Variants in SLC25A15 observed in about 807,000 individuals in gnomAD.
SLC25A15 encodes the protein mitochondrial ornithine transporter 1.
A neutral mutation model predicts 32.3 loss-of-function variants in SLC25A15; 24 were observed. That is an observed-to-expected ratio of 0.74 (90% CI 0.54 to 1.04). The LOEUF is 1.04. SLC25A15 is among the 50% of genes least tolerant of loss of function. The pLI is 0.00. For synonymous variants in SLC25A15, 132 were observed against 142.1 expected, an observed-to-expected ratio of 0.93 and a Z score of 0.51; for missense variants, 317 against 374.5, an observed-to-expected ratio of 0.85 and a Z score of 1.27.
intron 1 of SLC25A15, among the ~76,000 whole-genome samples, chr13:40,791,857 C>G (rs1332718450): frequency 6.6e-6 from 1 of 152,118 alleles, no homozygotes; most frequent in Non-Finnish European, 1.5e-5. Context: ...ATTGAAGTCT[C>G]GTCGTTGGCA....
chr13:40,803,009 A>G (rs1354436936), intron 3 of SLC25A15, among the ~76,000 whole-genome samples: 1 of 152,202 alleles, frequency 6.6e-6, no homozygotes, highest in Non-Finnish European at 1.5e-5. Context: ...CTGTCCAGTG[A>G]GAGCATGATG....
intron 2 of SLC25A15, 158 bp from the exon 3 acceptor site, chr13:40,798,899 C>T (rs1881764764): frequency 3.0e-6 from 3 of 985,302 alleles, no homozygotes; most frequent in Admixed American, 6.1e-5. Context: ...AGGACCTGCT[C>T]TAAATTGTTT....
At chr13:40,805,311 A>AT in intron 4 of SLC25A15, 56 bp downstream of exon 4, 1 of 1,603,524 alleles carries the variant, frequency 6.2e-7, no homozygotes. Flanking sequence ...GTATTGGATG[A>AT]TTTTTCATTT....
At position 40,809,597 on chromosome 13, in the gene SLC25A15, C is replaced by T. The variant is rs1288305681; in HGVS notation, c.836C>T (p.Ala279Val). ...LKPTMIRAFPANGALFLAYEY... is the reference protein window; with the variant it reads ...LKPTMIRAFPVNGALFLAYEY... ...CCTACTATGATTCGAGCATTCCCTG[C>T]CAATGGAGCACTCTTTTTGGCCTAC... Residue 279 changes from alanine (A) to valine (V), a missense_variant, in exon 7 of 7, where the codon GCC becomes GTC. Ala to Val is a moderately conservative substitution (Grantham distance 64). Coordinates refer to ENST00000338625, the MANE Select transcript of SLC25A15 (RefSeq NM_014252.4). The T allele has an allele frequency of 6.2e-7, 1 of 1,611,952 alleles. No homozygotes were observed. Among genetic ancestry groups the T allele is most frequent in the Non-Finnish European group, 8.5e-7 (1 of 1,179,774 alleles).
chr13:40,801,513 G>A (rs1881890536), intron 3 of SLC25A15, among the ~76,000 whole-genome samples: 1 of 152,118 alleles, frequency 6.6e-6, no homozygotes, highest in South Asian at 2.1e-4. Context: ...AGGTCACCCC[G>A]CTAAGGACTT....
intron 2 of SLC25A15, among the ~76,000 whole-genome samples, chr13:40,794,721 G>T (rs1199582875): frequency 6.6e-6 from 1 of 152,202 alleles, no homozygotes; most frequent in Non-Finnish European, 1.5e-5. Context: ...GATTCTCATA[G>T]TAGTTGCAGC....
intron 3 of SLC25A15, among the ~76,000 whole-genome samples, chr13:40,800,666 C>A (rs1311755608): frequency 6.6e-6 from 1 of 152,206 alleles, no homozygotes; most frequent in Non-Finnish European, 1.5e-5. Context: ...TTCTGTCTTG[C>A]ATGAGTGAAA....
intron 4 of SLC25A15, among the ~76,000 whole-genome samples, chr13:40,806,884 G>C (rs938268306): frequency 3.9e-5 from 6 of 152,138 alleles, no homozygotes; most frequent in African/African-American, 1.4e-4. Flanking sequence ...ATAAATTCTT[G>C]GTGCTTCTGC....
At chr13:40,803,661 C>T (rs758166069) in intron 3 of SLC25A15, among the ~76,000 whole-genome samples, 2 of 152,232 alleles carry the variant, frequency 1.3e-5, no homozygotes, top group Non-Finnish European at 2.9e-5. Context: ...TACCATTGAG[C>T]TTGCAGACTT....
In SLC25A15 at chr13:40,802,716, A is replaced by G. The variant is rs577893492; in HGVS notation, c.315-2402A>G. 7.9e-5 allele frequency among the ~76,000 whole-genome samples: 12 copies of G among 152,000 alleles called. No homozygotes were observed. The South Asian group carries it at 2.1e-3, about 26-fold the overall frequency. On this transcript the variant is annotated intron_variant, in intron 3 of 6. Coordinates refer to ENST00000338625, the MANE Select transcript of SLC25A15 (RefSeq NM_014252.4). ...CAGCCTCCCGAGTAGCTGGGACTAC[A>G]GGCGCCCACCACCATGCCCAGCTAA...
chr13:40,801,264 C>T (rs1412931109), intron 3 of SLC25A15, among the ~76,000 whole-genome samples: 2 of 150,662 alleles, frequency 1.3e-5, no homozygotes, highest in African/African-American at 4.9e-5. Context: ...AAGAAACCAT[C>T]CTGATTAACC....
At chr13:40,799,409 G>C (rs1881796726) in intron 3 of SLC25A15, 94 bp downstream of exon 3, 2 of 1,521,266 alleles carry the variant, frequency 1.3e-6, no homozygotes, top group Admixed American at 1.8e-5. Context: ...CCAGCACTTT[G>C]GGAGGCAAAG....
At chr13:40,798,015 T>A (rs1312769089) in intron 2 of SLC25A15, among the ~76,000 whole-genome samples, 1 of 152,136 alleles carries the variant, frequency 6.6e-6, no homozygotes, top group Non-Finnish European at 1.5e-5. Context: ...CTGGGCATGG[T>A]GGCTTATGCC....
At position 40,805,258 on chromosome 13, in the gene SLC25A15, A is replaced by G. The variant is rs1195949603; in HGVS notation, c.452+3A>G. 6.2e-7 allele frequency: 1 copy of G among 1,614,022 alleles called. No individual in the cohort carries two copies. Among genetic ancestry groups the G allele is most frequent in the African/African-American group, 1.3e-5 (1 of 74,932 alleles). On this transcript the variant is annotated splice_donor_region_variant and intron_variant, in intron 4 of 6. Coordinates refer to ENST00000338625, the MANE Select transcript of SLC25A15 (RefSeq NM_014252.4). ...GGGAAGATAGCCAAGAGCCAGAAGT[A>G]AGCACCACTTGGGCACAAACGTCAG...
chr13:40,805,966 G>C (rs1262083078), intron 4 of SLC25A15, among the ~76,000 whole-genome samples: 1 of 152,166 alleles, frequency 6.6e-6, no homozygotes, highest in African/African-American at 2.4e-5. Flanking sequence ...TTCTGACCAA[G>C]GATATTGCTG....
rs1376038988 is a variant in SLC25A15, at chr13:40,811,912, G to A, written c.*2245G>A. ...CAGAGCCAGAAGCCAGAGGGCCAGG[G>A]ATATGAGAGGCTGACAAACATCAGG... On this transcript the variant is annotated 3_prime_UTR_variant, in exon 7 of 7. Coordinates refer to ENST00000338625, the MANE Select transcript of SLC25A15 (RefSeq NM_014252.4). Among the ~76,000 whole-genome samples, 1 of 152,200 alleles carries A rather than the reference G, an allele frequency of 6.6e-6. No homozygotes were observed. The highest frequency in any genetic ancestry group is 1.5e-5 in the Non-Finnish European group (1 of 68,036).
chr13:40,793,954 CTTG>C (rs1284938439), intron 2 of SLC25A15, among the ~76,000 whole-genome samples: 1 of 152,210 alleles, frequency 6.6e-6, no homozygotes, highest in Non-Finnish European at 1.5e-5. Flanking sequence ...CTTCAGAGCC[CTTG>C]TTGTGCAAAA....
chr13:40,793,625 A>G (rs1317176995), intron 2 of SLC25A15, among the ~76,000 whole-genome samples: 2 of 152,254 alleles, frequency 1.3e-5, no homozygotes, highest in Non-Finnish European at 1.5e-5. Flanking sequence ...ATGCCTAACT[A>G]TAATCCCAGA....
rs1193675515 is a variant in SLC25A15 at position 40,810,333 on chromosome 13, T to A, written c.*666T>A. Reference sequence around the variant, plus strand: ...GCCACCATGTCCAGCTAATTTTTTTTGGTATTTTTTGTAGAGACGAGGTTT... The same window carrying A: ...GCCACCATGTCCAGCTAATTTTTTTAGGTATTTTTTGTAGAGACGAGGTTT... On this transcript the variant is annotated 3_prime_UTR_variant, in exon 7 of 7. Coordinates refer to ENST00000338625, the MANE Select transcript of SLC25A15 (RefSeq NM_014252.4). Among the ~76,000 whole-genome samples the A allele has an allele frequency of 6.6e-6, 1 of 152,030 alleles. No homozygotes were observed. Among genetic ancestry groups the A allele is most frequent in the African/African-American group, 2.4e-5 (1 of 41,380 alleles).
Sources: allele counts gnomAD v4.1 joint callset (sites outside exome capture counted in the v4.1 genomes callset), GRCh38; gene constraint gnomAD v4.1.1; transcripts MANE v1.5; gene names NCBI Gene and HGNC (gene_info 2026-07-23, HGNC 2026-07-21).